The following IL23R variants were observed in gnomAD, a reference collection of about 807,000 sequenced individuals.
The protein encoded by IL23R is interleukin-23 receptor.
Under a neutral mutation model 56.9 loss-of-function variants are expected in IL23R, and 34 were observed. The observed-to-expected ratio is 0.60, with a 90% CI of 0.45 to 0.80. IL23R has a LOEUF of 0.80. Among genes scored for constraint, IL23R ranks in the 30% least tolerant of loss-of-function variants. The probability of loss-of-function intolerance (pLI) is 0.00; values close to 1 mark genes in which losing one functional copy is unlikely to be tolerated. For missense variants in IL23R, 635 were observed against 730.0 expected (o/e 0.87, Z 1.50); for synonymous variants, 230 against 249.2 (o/e 0.92, Z 0.73).
At chr1:67,230,121 C>G (rs911718514) in intron 7 of IL23R, among the ~76,000 whole-genome samples, 2 of 152,238 alleles carry the variant, frequency 1.3e-5, no homozygotes, top group African/African-American at 4.8e-5. Flanking sequence ...GCCACTGTCA[C>G]TGTACCCTGG....
chr1:67,169,807 T>C (rs11209009), intron 3 of IL23R, among the ~76,000 whole-genome samples, 169 bp downstream of exon 3: 3,739 of 152,298 alleles, frequency 0.025, 75 homozygotes, highest in Middle Eastern at 0.041. Context: ...TGGTGAACTA[T>C]ATGAACTGTA....
At chr1:67,194,034 T>C (rs965852851) in intron 4 of IL23R, among the ~76,000 whole-genome samples, 1 of 152,210 alleles carries the variant, frequency 6.6e-6, no homozygotes, top group Non-Finnish European at 1.5e-5. Flanking sequence ...TACTTATATT[T>C]ATCCATTTAT....
intron 6 of IL23R, among the ~76,000 whole-genome samples, chr1:67,214,538 C>T (rs1346862089): frequency 6.6e-6 from 1 of 152,178 alleles, no homozygotes; most frequent in Non-Finnish European, 1.5e-5. Flanking sequence ...TCAAATGTAC[C>T]TGTTACCAAG....
chr1:67,170,156 G>C (rs1323375552), intron 3 of IL23R, among the ~76,000 whole-genome samples: 1 of 152,106 alleles, frequency 6.6e-6, no homozygotes, highest in East Asian at 1.9e-4. Context: ...GTACTGCTAG[G>C]TTTGTGACCT....
intron 4 of IL23R, 133 bp downstream of exon 4, chr1:67,183,092 T>A: frequency 9.5e-7 from 1 of 1,053,718 alleles, no homozygotes; most frequent in Non-Finnish European, 1.4e-6. Context: ...ATTTCCTACT[T>A]ATGATCAGTG....
At chr1:67,215,053 G>A (rs1649743855) in intron 6 of IL23R, among the ~76,000 whole-genome samples, 1 of 152,218 alleles carries the variant, frequency 6.6e-6, no homozygotes, top group East Asian at 1.9e-4. Context: ...AATCAATCAC[G>A]ACCCTTTCAT....
At chr1:67,260,407 G>C (rs114651489), downstream of IL23R, among the ~76,000 whole-genome samples, 297 of 152,232 alleles carry the variant, frequency 2.0e-3, no homozygotes, top group Non-Finnish European at 3.2e-3. Context: ...ACAGGTATCT[G>C]TTCAGTACCT....
At position 67,256,299 on chromosome 1, in the gene IL23R, G is replaced by A. The variant is rs534554917; in HGVS notation, c.1239+372G>A. Among the ~76,000 whole-genome samples the A allele has an allele frequency of 2.0e-5, 3 of 152,288 alleles. No homozygotes were observed. The South Asian group carries it at 6.2e-4, about 32-fold the overall frequency. The stretch of plus-strand genomic sequence containing the variant: ...AGCCTCAAAGATTCAAAGGGCTTCT[G>A]TTTCACATGAGATGGAGAGCCAGGT... On this transcript the variant is annotated intron_variant, in intron 10 of 10. Coordinates refer to ENST00000347310, the MANE Select transcript of IL23R (RefSeq NM_144701.3).
rs1650846665 is a variant in IL23R, at chr1:67,228,150, T to TC, written c.955+8420_955+8421insC. Among the ~76,000 whole-genome samples the TC allele has an allele frequency of 4.9e-3, 369 of 76,076 alleles. 20 individuals are homozygous for TC. Among genetic ancestry groups the TC allele is most frequent in the African/African-American group, 0.013 (278 of 21,510 alleles). 49.9% of individuals were successfully genotyped at this position (76,076 alleles called of 152,430 possible). ...TTTCCTTCTTTCTTTCTGTCTTTCT[T>TC]TTTCCTTCCTTCCTTCCTTCCTTCC... On this transcript the variant is annotated intron_variant, in intron 7 of 10. Transcript: ENST00000347310.
chr1:67,189,110 T>G (rs1647560400), intron 4 of IL23R, among the ~76,000 whole-genome samples: 2 of 152,064 alleles, frequency 1.3e-5, no homozygotes, highest in Non-Finnish European at 2.9e-5. Context: ...AGATGTTGCA[T>G]GTGCTCTAAT....
intron 9 of IL23R, among the ~76,000 whole-genome samples, chr1:67,250,209 A>G (rs941148984): frequency 1.3e-5 from 2 of 152,210 alleles, no homozygotes; most frequent in Non-Finnish European, 2.9e-5. Context: ...TTGTAATGGT[A>G]ACTGTTAGCA....
chr1:67,253,867 C>A (rs1423651450), intron 9 of IL23R, among the ~76,000 whole-genome samples: 1 of 151,960 alleles, frequency 6.6e-6, no homozygotes, highest in East Asian at 1.9e-4. Flanking sequence ...CAGTTCATAA[C>A]AAGGAATTAG....
intron 6 of IL23R, chr1:67,207,707 A>G (rs1189125285): frequency 1.0e-5 from 3 of 299,178 alleles, no homozygotes; most frequent in African/African-American, 4.5e-5. Context: ...CTGTAAGTCC[A>G]ATTAAACCTC....
chr1:67,161,488 G>T (rs755320335), upstream of IL23R, among the ~76,000 whole-genome samples: 15 of 151,796 alleles, frequency 9.9e-5, no homozygotes, highest in Non-Finnish European at 1.9e-4. Context: ...TCTACATATA[G>T]TTTTTGTTTG....
intron 2 of IL23R, among the ~76,000 whole-genome samples, chr1:67,169,072 C>T (rs912257710): frequency 1.5e-5 from 2 of 134,794 alleles, no homozygotes; most frequent in Admixed American, 8.6e-5. Context: ...ACCTGGAAGG[C>T]GGATGTTGCA....
intron 10 of IL23R, among the ~76,000 whole-genome samples, chr1:67,256,176 G>A (rs1017511574): frequency 6.6e-6 from 1 of 152,176 alleles, no homozygotes; most frequent in African/African-American, 2.4e-5. Flanking sequence ...AAAGTGAAGT[G>A]GAAGATTGTG....
intron 4 of IL23R, among the ~76,000 whole-genome samples, chr1:67,186,943 G>A (rs1040228766): frequency 6.6e-6 from 1 of 151,926 alleles, no homozygotes; most frequent in Non-Finnish European, 1.5e-5. Context: ...TTTTAATAAT[G>A]TTCCATTATT....
chr1:67,232,766 G>T (rs1170664810), intron 7 of IL23R, among the ~76,000 whole-genome samples: 1 of 152,102 alleles, frequency 6.6e-6, no homozygotes, highest in African/African-American at 2.4e-5. Flanking sequence ...GATATGGTTT[G>T]GCTGTGTCTC....
In IL23R at chr1:67,169,486, A is replaced by G; in HGVS notation, c.215A>G (p.Lys72Arg). 1 of 1,614,132 alleles carries G rather than the reference A, an allele frequency of 6.2e-7. No homozygotes were observed. Among genetic ancestry groups the G allele is most frequent in the South Asian group, 1.1e-5 (1 of 91,086 alleles). The change falls in exon 3 of 11, where the codon AAA becomes AGA. Residue 72 changes from lysine (K) to arginine (R), a missense_variant. Physicochemically the swap from Lys to Arg is conservative, Grantham distance 26. Coordinates refer to ENST00000347310, the MANE Select transcript of IL23R (RefSeq NM_144701.3). ...CTTCATTTTTATAAAAATGGCATCA[A>G]AGAAAGATTTCAAATCACAAGGATT... is the stretch of plus-strand genomic sequence containing the variant. ...RKLHFYKNGI[K>R]ERFQITRINK...
Sources: allele counts gnomAD v4.1 joint callset (sites outside exome capture counted in the v4.1 genomes callset), GRCh38; gene constraint gnomAD v4.1.1; transcripts MANE v1.5; gene names NCBI Gene and HGNC (gene_info 2026-07-23, HGNC 2026-07-21).